PRH1: variants seen among roughly 807,000 people sequenced by gnomAD.
PRH1 encodes the protein salivary acidic proline-rich phosphoprotein 1/2.
A neutral mutation model predicts 7.9 loss-of-function variants in PRH1; 7 were observed. The ratio of observed to expected loss-of-function variants is 0.89; its 90% confidence interval spans 0.50 to 1.67. The LOEUF is 1.67. Among genes scored for constraint, PRH1 ranks in the 40% most tolerant of loss-of-function variants. The pLI is 0.00. For missense variants in PRH1, 109 were observed against 223.6 expected (o/e 0.49, Z 3.27); for synonymous variants, 45 against 80.8 (o/e 0.56, Z 2.38).
intron 1 of PRH1, among the ~76,000 whole-genome samples, chr12:11,035,277 T>C (rs1287801842): frequency 2.8e-5 from 4 of 143,666 alleles, no homozygotes; most frequent in Non-Finnish European, 4.6e-5. Context: ...TTTCGGGAAC[T>C]GCAGAAGTAT....
At chr12:11,035,719 A>G (rs769085909) in intron 1 of PRH1, among the ~76,000 whole-genome samples, 1 of 152,162 alleles carries the variant, frequency 6.6e-6, no homozygotes, top group Non-Finnish European at 1.5e-5. Context: ...TGATGTCAGT[A>G]GCTTTTTTTG....
chr12:11,152,582 T>A (rs2136431258), intron 1 of PRH1, among the ~76,000 whole-genome samples: 1 of 152,312 alleles, frequency 6.6e-6, no homozygotes, highest in East Asian at 1.9e-4. Context: ...TTTATTGACA[T>A]CTATGGTTAA....
chr12:11,001,164 A>T (rs10772410), intron 1 of PRH1, among the ~76,000 whole-genome samples: 22 of 150,976 alleles, frequency 1.5e-4, no homozygotes, highest in South Asian at 2.1e-4. Context: ...TTTTTTTTTT[A>T]GGGGGGGATA....
At chr12:10,986,199 G>C in intron 1 of PRH1, 1 of 1,614,066 alleles carries the variant, frequency 6.2e-7, no homozygotes, top group Non-Finnish European at 8.5e-7. Flanking sequence ...GTGGACCTTG[G>C]TGCTGAGATC....
chr12:10,922,065 C>G (rs116057446), intron 2 of PRH1, among the ~76,000 whole-genome samples: 121 of 152,288 alleles, frequency 7.9e-4, no homozygotes, highest in African/African-American at 2.6e-3. Flanking sequence ...CCACAGCACC[C>G]TGTCATGCCT....
chr12:11,160,040 G>A (rs1291745952), intron 1 of PRH1, among the ~76,000 whole-genome samples: 1 of 152,136 alleles, frequency 6.6e-6, no homozygotes, highest in Non-Finnish European at 1.5e-5. Context: ...GACTAAAGAA[G>A]CGAAGTCGAG....
intron 1 of PRH1, among the ~76,000 whole-genome samples, chr12:11,124,103 A>T (rs1451167354): frequency 6.6e-6 from 1 of 151,720 alleles, no homozygotes; most frequent in East Asian, 1.9e-4. Context: ...AATGAAGTTC[A>T]TATAAGTAGC....
chr12:11,025,767 C>T (rs900081311), intron 1 of PRH1, among the ~76,000 whole-genome samples: 9 of 152,258 alleles, frequency 5.9e-5, no homozygotes, highest in African/African-American at 2.2e-4. Flanking sequence ...TTCCAATTCA[C>T]TTATTCTCTC....
chr12:10,886,396 A>C (rs1395033659), upstream of PRH1, among the ~76,000 whole-genome samples: 4 of 152,198 alleles, frequency 2.6e-5, no homozygotes, highest in East Asian at 7.7e-4. Flanking sequence ...AGAACAGGAA[A>C]TCCTCCTAAA....
chr12:11,055,552 T>G (rs946260397), intron 1 of PRH1, among the ~76,000 whole-genome samples: 6 of 152,266 alleles, frequency 3.9e-5, no homozygotes, highest in African/African-American at 1.2e-4. Context: ...ATGGAAAACA[T>G]GATAATTTCC....
At position 11,160,495 on chromosome 12, in the gene PRH1, G is replaced by A. The variant is rs908382592; in HGVS notation, n.39+10927C>T. Among the ~76,000 whole-genome samples, 3 of 152,218 alleles carry A rather than the reference G, an allele frequency of 2.0e-5. No individual in the cohort carries two copies. In the East Asian group the frequency reaches 5.8e-4, roughly 29 times the overall value. On this transcript the variant is annotated intron_variant and non_coding_transcript_variant, in intron 1 of 1. Coordinates refer to the PRH1 transcript ENST00000541175. ...TTTGTTTGTTTGTTTTTTTGAGACA[G>A]AGTGAGACTCCATCACACAGGCTGT...
intron 2 of PRH1, among the ~76,000 whole-genome samples, chr12:10,893,820 T>C (rs1043823235): frequency 7.9e-5 from 12 of 152,196 alleles, no homozygotes; most frequent in African/African-American, 2.9e-4. Context: ...TTCTTTTTTT[T>C]CTTAGAGAGA....
At chr12:10,951,298 T>G (rs1341903805) in intron 2 of PRH1, among the ~76,000 whole-genome samples, 2 of 152,292 alleles carry the variant, frequency 1.3e-5, no homozygotes, top group Admixed American at 1.3e-4. Flanking sequence ...GCTATGGAAA[T>G]TTTTAAACCC....
intron 2 of PRH1, among the ~76,000 whole-genome samples, chr12:10,920,595 A>T (rs1950032612): frequency 6.6e-6 from 1 of 152,086 alleles, no homozygotes; most frequent in Non-Finnish European, 1.5e-5. Flanking sequence ...TTTAGCCCAT[A>T]TATATTGATA....
chr12:10,900,312 G>C (rs1382836029), intron 2 of PRH1, among the ~76,000 whole-genome samples: 1 of 152,224 alleles, frequency 6.6e-6, no homozygotes, highest in Non-Finnish European at 1.5e-5. Context: ...TAGAGACATT[G>C]TAAGGGAAAG....
chr12:10,998,218 T>C (rs887259981), intron 1 of PRH1, among the ~76,000 whole-genome samples: 8 of 152,188 alleles, frequency 5.3e-5, no homozygotes, highest in African/African-American at 1.7e-4. Context: ...ACATATCCTC[T>C]TTCATTGCTT....
At chr12:11,110,634 A>T (rs569190277) in intron 1 of PRH1, among the ~76,000 whole-genome samples, 5 of 152,348 alleles carry the variant, frequency 3.3e-5, no homozygotes, top group East Asian at 1.9e-4. Context: ...GGCCTGCCTC[A>T]CAAGAGCTTC....
At chr12:11,066,555 C>T (rs957195267) in intron 1 of PRH1, among the ~76,000 whole-genome samples, 1 of 98,588 alleles carries the variant, frequency 1.0e-5, no homozygotes, top group African/African-American at 3.2e-5. Flanking sequence ...AACTTTCCCA[C>T]AATGATGGTC....
At chr12:11,091,304 G>A (rs1278813546) in intron 1 of PRH1, 3 of 1,206,784 alleles carry the variant, frequency 2.5e-6, no homozygotes, top group African/African-American at 1.6e-5. Context: ...GTGAATCTAT[G>A]GAGATGAAGT....
Sources: allele counts gnomAD v4.1 joint callset (sites outside exome capture counted in the v4.1 genomes callset), GRCh38; gene constraint gnomAD v4.1.1; transcripts MANE v1.5; gene names NCBI Gene and HGNC (gene_info 2026-07-23, HGNC 2026-07-21).